Variants in MYOM2 observed in about 807,000 individuals in gnomAD.
MYOM2 encodes myomesin 2.
A neutral mutation model predicts 187.6 loss-of-function variants in MYOM2; 254 were observed. That is an observed-to-expected ratio of 1.35 (90% CI 1.22 to 1.50). MYOM2 has a LOEUF of 1.50. Ranked by LOEUF, MYOM2 falls within the 40% of genes most tolerant of loss-of-function variation. The pLI, the probability that MYOM2 is intolerant of heterozygous loss-of-function variation, is 0.00. For missense variants in MYOM2, 2,796 were observed against 1,924.0 expected, an observed-to-expected ratio of 1.45 and a Z score of -8.48; for synonymous variants, 981 against 753.8, an observed-to-expected ratio of 1.30 and a Z score of -4.94.
rs188642565 is a variant in MYOM2, at chr8:2,075,970, T to A, written c.1121-171T>A. Among the ~76,000 whole-genome samples, 72 of 152,366 alleles carry A rather than the reference T, an allele frequency of 4.7e-4. 1 individual carries two copies. The highest frequency in any genetic ancestry group is 1.7e-3 in the African/African-American group (71 of 41,582). On this transcript the variant is annotated intron_variant, in intron 10 of 36. Coordinates refer to ENST00000262113, the MANE Select transcript of MYOM2 (RefSeq NM_003970.4). ...TTTAATTCATACATAATTTTATATT[T>A]CTTGTCACCAACCCGCCAGAGTAAG... is the stretch of plus-strand genomic sequence containing the variant.
chr8:2,116,978 T>C (rs552950909), intron 27 of MYOM2, among the ~76,000 whole-genome samples: 2 of 152,292 alleles, frequency 1.3e-5, no homozygotes, highest in South Asian at 4.1e-4. Context: ...TTAACCAGGA[T>C]GGTCTCGATC....
rs546512655 is a variant in MYOM2 at position 2,143,839 on chromosome 8, G to A, written c.4080+383G>A. 3.3e-5 allele frequency among the ~76,000 whole-genome samples: 5 copies of A among 152,238 alleles called. No individual in the cohort carries two copies. The East Asian group carries it at 9.7e-4, about 29-fold the overall frequency. ...CCTACCTGCGTGTGTGAAGGTGCAA[G>A]CCCCCTGCTTCCAGTGTGAAACAGC... On this transcript the variant is annotated intron_variant, in intron 36 of 36. Coordinates refer to ENST00000262113, the MANE Select transcript of MYOM2 (RefSeq NM_003970.4).
At chr8:2,047,498 T>A (rs117450164) in intron 1 of MYOM2, among the ~76,000 whole-genome samples, 31 of 152,316 alleles carry the variant, frequency 2.0e-4, no homozygotes, top group Non-Finnish European at 3.8e-4. Flanking sequence ...TTGAGCTTGC[T>A]ACTCTCCCGA....
chr8:2,096,909 G>A (rs558441737), intron 18 of MYOM2, among the ~76,000 whole-genome samples: 1 of 152,284 alleles, frequency 6.6e-6, no homozygotes, highest in South Asian at 2.1e-4. Context: ...AGTGCCCCTG[G>A]TGCTCAGGTG....
chr8:2,131,599 C>G (rs1563078002), intron 32 of MYOM2, among the ~76,000 whole-genome samples: 1 of 151,148 alleles, frequency 6.6e-6, no homozygotes, highest in Non-Finnish European at 1.5e-5. Context: ...TATGTTTTAT[C>G]TTCCCCAAAC....
In MYOM2 at chr8:2,145,003, A is replaced by G. The variant is rs754517281; in HGVS notation, c.*22A>G. Reference sequence around the variant, plus strand: ...GTGAAGGCGTTTTCCTAGCCTGGAGATGGGAAAATATGCTTGGCAGAGACA... The same window carrying G: ...GTGAAGGCGTTTTCCTAGCCTGGAGGTGGGAAAATATGCTTGGCAGAGACA... On this transcript the variant is annotated 3_prime_UTR_variant, in exon 37 of 37. Coordinates refer to ENST00000262113, the MANE Select transcript of MYOM2 (RefSeq NM_003970.4). The G allele has an allele frequency of 6.2e-7, 1 of 1,608,798 alleles. No individual in the cohort carries two copies. Among genetic ancestry groups the G allele is most frequent in the Middle Eastern group, 1.7e-4 (1 of 6,010 alleles).
intron 13 of MYOM2, 180 bp from the exon 14 acceptor site, chr8:2,085,083 T>A: frequency 3.0e-6 from 2 of 656,060 alleles, no homozygotes; most frequent in Admixed American, 3.0e-5. Flanking sequence ...AACTGGCTGA[T>A]CTTTATTGGT....
intron 27 of MYOM2, among the ~76,000 whole-genome samples, chr8:2,116,865 C>G (rs933765451): frequency 2.6e-5 from 4 of 152,146 alleles, no homozygotes; most frequent in Non-Finnish European, 5.9e-5. Flanking sequence ...TCACGCCGTT[C>G]TCCTGCCTCA....
At chr8:2,050,377 T>A (rs1414353638) in intron 1 of MYOM2, among the ~76,000 whole-genome samples, 1 of 152,236 alleles carries the variant, frequency 6.6e-6, no homozygotes, top group Non-Finnish European at 1.5e-5. Context: ...TATGTTCTCT[T>A]GTATTCTAAG....
At chr8:2,117,456 GTTTC>G (rs1386940567) in intron 27 of MYOM2, among the ~76,000 whole-genome samples, 1 of 152,090 alleles carries the variant, frequency 6.6e-6, no homozygotes, top group Admixed American at 6.5e-5. Flanking sequence ...TCAAACTGTT[GTTTC>G]TTTATCTCAT....
At chr8:2,101,902 C>G (rs993084621) in intron 20 of MYOM2, 5 of 152,272 alleles carry the variant, frequency 3.3e-5, no homozygotes, top group African/African-American at 1.2e-4. Flanking sequence ...CTGTTTTTAG[C>G]ACTTGCGGTT....
chr8:2,120,267 T>C (rs147646450), intron 28 of MYOM2, among the ~76,000 whole-genome samples: 25 of 152,092 alleles, frequency 1.6e-4, no homozygotes, highest in African/African-American at 5.8e-4. Flanking sequence ...TAACTGTCGT[T>C]AGTTGGTCAA....
In MYOM2 at chr8:2,093,971, T is replaced by C; in HGVS notation, c.2005T>C (p.Phe669Leu). The part of the protein sequence containing the change: ...CNHKPIGYNR[F>L]VVHGLTTGEQ... ...GACCCTGATCCCTGTGTTTCTCAGG[T>C]TCGTGGTGCACGGCTTAACCACGGG... The change falls in exon 17 of 37, where the codon TTC becomes CTC. Residue 669 changes from phenylalanine (F) to leucine (L), a missense_variant and splice_region_variant. Phe to Leu is a conservative substitution (Grantham distance 22). Transcript: ENST00000262113. The C allele has an allele frequency of 1.9e-6, 3 of 1,613,920 alleles. No homozygotes were observed. Among genetic ancestry groups the C allele is most frequent in the Non-Finnish European group, 2.5e-6 (3 of 1,179,946 alleles).
In MYOM2 at chr8:2,142,397, A is replaced by G. The variant is rs1286402890; in HGVS notation, c.4024A>G (p.Asn1342Asp). Residue 1342 changes from asparagine to aspartate, a missense_variant and splice_region_variant, in exon 35 of 37, where the codon AAT (asparagine) becomes GAT (aspartate). Asn to Asp is a conservative substitution (Grantham distance 23). Coordinates refer to ENST00000262113, the MANE Select transcript of MYOM2 (RefSeq NM_003970.4). The stretch of plus-strand genomic sequence containing the variant: ...TAGAGCTGCTGCTTTTGCAGAGAAG[A>G]GTAAGTACCTGTTGGATTGTAACCA... ...QFKAAAFAEK[N>D]RGRLIGGLPD... is the part of the protein sequence containing the mutation. The G allele has an allele frequency of 2.5e-6, 4 of 1,613,876 alleles. No individual in the cohort carries two copies. Among genetic ancestry groups the G allele is most frequent in the Non-Finnish European group, 3.4e-6 (4 of 1,179,722 alleles).
At chr8:2,054,968 C>G (rs1047775297) in intron 3 of MYOM2, among the ~76,000 whole-genome samples, 1 of 126,694 alleles carries the variant, frequency 7.9e-6, no homozygotes. Flanking sequence ...ACTGGGGGAA[C>G]CAAGTACCTG....
rs2294060 is a variant in MYOM2 at position 2,089,988 on chromosome 8, G to A, written c.1645-20G>A. On this transcript the variant is annotated intron_variant, in intron 14 of 36. Coordinates refer to ENST00000262113, the MANE Select transcript of MYOM2 (RefSeq NM_003970.4). ...CCTCGCGGTTTTCACTGCCAGTCTC[G>A]TTTCTGTTTCTCTTTGTAGTCCGTG... 7.3e-5 allele frequency: 117 copies of A among 1,611,328 alleles called. No homozygotes were observed. The highest frequency in any genetic ancestry group is 8.7e-5 in the Non-Finnish European group (103 of 1,178,320).
chr8:2,093,693 A>T lies in MYOM2; in HGVS notation c.2004-277A>T, dbSNP rs1158399401. The stretch of plus-strand genomic sequence containing the variant: ...GAAATGGCATACTGTTGGATAATAG[A>T]CCTCTGATCCAGAGGAGGCCCAGAA... On this transcript the variant is annotated intron_variant, in intron 16 of 36. Transcript: ENST00000262113. Among the ~76,000 whole-genome samples, 4 of 152,252 alleles carry T rather than the reference A, an allele frequency of 2.6e-5. No individual in the cohort carries two copies. The East Asian group carries it at 7.7e-4, about 29-fold the overall frequency.
chr8:2,104,730 C>T (rs1336052975), intron 21 of MYOM2, among the ~76,000 whole-genome samples: 3 of 152,102 alleles, frequency 2.0e-5, no homozygotes, highest in South Asian at 2.1e-4. Context: ...GAGGGCCTCC[C>T]GCTGCCCCAC....
intron 21 of MYOM2, among the ~76,000 whole-genome samples, chr8:2,104,766 C>G (rs994789300): frequency 2.6e-5 from 4 of 151,948 alleles, no homozygotes; most frequent in Admixed American, 2.6e-4. Flanking sequence ...TGGGTGTGTG[C>G]GGAAACGGAC....
Sources: gnomAD v4.1 joint callset for allele counts (sites outside exome capture counted in the v4.1 genomes callset) on GRCh38, gnomAD v4.1.1 for gene constraint, MANE v1.5 for transcripts, NCBI Gene and HGNC (gene_info 2026-07-23, HGNC 2026-07-21) for gene names.